Variants in AGO4 observed in about 807,000 individuals in gnomAD.
AGO4 encodes argonaute RISC component 4.
Under a neutral mutation model 104.7 loss-of-function variants are expected in AGO4, and 33 were observed. That is an observed-to-expected ratio of 0.32 (90% CI 0.24 to 0.42). The LOEUF (loss-of-function observed/expected upper bound fraction) is 0.42. Ranked by LOEUF, AGO4 falls within the 10% of genes least tolerant of loss-of-function variation. The probability of loss-of-function intolerance (pLI) is 1.00; values close to 1 mark genes in which losing one functional copy is unlikely to be tolerated. For synonymous variants in AGO4, 331 were observed against 364.7 expected (o/e 0.91, Z 1.05); for missense variants, 711 against 1,083.4 (o/e 0.66, Z 4.83).
At position 35,843,353 on chromosome 1, in the gene AGO4, G is replaced by A. The variant is rs980393463; in HGVS notation, c.2175+1603G>A. ...AGTGCTGGGATTACAGGTGTGAGCC[G>A]CCGTGCTTGGCCTGAACTGTTTCTT... is the stretch of plus-strand genomic sequence containing the variant. On this transcript the variant is annotated intron_variant, in intron 15 of 17. Transcript: ENST00000373210. Among the ~76,000 whole-genome samples the A allele has an allele frequency of 2.6e-5, 4 of 152,020 alleles. No individual in the cohort carries two copies. The East Asian group carries it at 5.8e-4, about 22-fold the overall frequency.
Position 35,850,900 on chromosome 1 carries a change from G to C in AGO4, c.2324G>C (p.Cys775Ser), listed in dbSNP as rs1221978397. The C allele has an allele frequency of 1.2e-6, 2 of 1,612,724 alleles. No homozygotes were observed. Among genetic ancestry groups the C allele is most frequent in the Non-Finnish European group, 1.7e-6 (2 of 1,179,944 alleles). Residue 775 changes from cysteine to serine, a missense_variant, in exon 17 of 18, where the codon TGC becomes TCC. By Grantham distance (112) the Cys-to-Ser change is moderately radical (BLOSUM62 -1). This residue lies in a region of AGO4 where 401 missense variants were observed against 665.5 expected (regional missense o/e 0.60). Coordinates refer to ENST00000373210, the MANE Select transcript of AGO4 (RefSeq NM_017629.4). ...SHYQVLWDDN[C>S]FTADELQLLT... ...TACCAGGTCTTGTGGGATGACAACT[G>C]CTTCACTGCAGATGAACTCCAGCTA...
At chr1:35,811,084 C>T (rs1052333908) in intron 1 of AGO4, among the ~76,000 whole-genome samples, 2 of 151,940 alleles carry the variant, frequency 1.3e-5, no homozygotes, top group African/African-American at 2.4e-5. Context: ...GCCTGCGAGG[C>T]AGAGGATGCT....
chr1:35,839,968 A>G (rs952084439), intron 13 of AGO4, among the ~76,000 whole-genome samples: 15 of 145,344 alleles, frequency 1.0e-4, no homozygotes, highest in South Asian at 2.2e-4. Flanking sequence ...CCCTGTCTCA[A>G]AAAAAAAAAA....
At chr1:35,829,565 G>A (rs1025023446) in intron 7 of AGO4, among the ~76,000 whole-genome samples, 13 of 152,160 alleles carry the variant, frequency 8.5e-5, no homozygotes, top group Admixed American at 7.2e-4. Context: ...GCTGGGCGTG[G>A]TGGCTCACGC....
In AGO4 at chr1:35,855,629, G is replaced by C. The variant is rs1451516597; in HGVS notation, c.*2024G>C. On this transcript the variant is annotated 3_prime_UTR_variant, in exon 18 of 18. Transcript: ENST00000373210. ...CATAGCCAGGAGTGAAGAGATGGCA[G>C]ATGTTAATTTCTTAAAATTTTCCTT... 1.3e-5 allele frequency: 2 copies of C among 150,060 alleles called. No homozygotes were observed. The highest frequency in any genetic ancestry group is 4.9e-5 in the African/African-American group (2 of 40,680). 9.3% of individuals were successfully genotyped at this position (150,060 alleles called of 1,614,324 possible). A position where few individuals can be genotyped will look rare whatever the true frequency, so the allele number is the denominator to read the frequency against.
chr1:35,832,238 A>G, intron 10 of AGO4, 53 bp downstream of exon 10: 2 of 1,595,268 alleles, frequency 1.3e-6, no homozygotes, highest in Non-Finnish European at 1.7e-6. Flanking sequence ...TCAAAAAGAG[A>G]ATAATCCAGG....
intron 12 of AGO4, among the ~76,000 whole-genome samples, chr1:35,834,750 C>T (rs187371860): frequency 3.9e-4 from 60 of 152,254 alleles, no homozygotes; most frequent in Admixed American, 3.3e-4. Flanking sequence ...GGCTGGAGTG[C>T]GGTGTCATGA....
chr1:35,843,224 C>A (rs1337151102), intron 15 of AGO4, among the ~76,000 whole-genome samples: 2 of 152,204 alleles, frequency 1.3e-5, no homozygotes, highest in East Asian at 3.9e-4. Flanking sequence ...CACCACCATG[C>A]CCAGCTAATT....
intron 13 of AGO4, among the ~76,000 whole-genome samples, chr1:35,837,967 C>T (rs1275779341): frequency 6.6e-6 from 1 of 151,850 alleles, no homozygotes; most frequent in Non-Finnish European, 1.5e-5. Flanking sequence ...ACTGCAGCCT[C>T]AATCTCCCCA....
In AGO4 at chr1:35,856,405, C is replaced by T. The variant is rs550742924; in HGVS notation, c.*2800C>T. The stretch of plus-strand genomic sequence containing the variant: ...TGTCAATCAATGGGAGGTGTGCATT[C>T]TCTAGAAGTAGTTTTAGGCTGTTTG... On this transcript the variant is annotated 3_prime_UTR_variant, in exon 18 of 18. Coordinates refer to ENST00000373210, the MANE Select transcript of AGO4 (RefSeq NM_017629.4). 2.6e-5 allele frequency: 4 copies of T among 152,344 alleles called. No individual in the cohort carries two copies. The highest frequency in any genetic ancestry group is 9.6e-5 in the African/African-American group (4 of 41,574). The allele number at this position is 152,344 out of a possible 1,614,324, so 9.4% of individuals were successfully genotyped here. A position where few individuals can be genotyped will look rare whatever the true frequency, so the allele number is the denominator to read the frequency against.
intron 17 of AGO4, 164 bp downstream of exon 17, chr1:35,851,217 G>C: frequency 2.9e-6 from 2 of 689,282 alleles, no homozygotes; most frequent in Non-Finnish European, 4.8e-6. Context: ...GTGACTTTTG[G>C]TCCAAGAAGT....
rs1644828905 is a variant in AGO4 at position 35,856,852 on chromosome 1, G to A, written c.*3247G>A. On this transcript the variant is annotated 3_prime_UTR_variant, in exon 18 of 18. Transcript: ENST00000373210. Reference sequence around the variant, plus strand: ...AAAAGGGGGGGGGGGGACATTAAGAGAGTGGTGATGACCCAAATGTTGAAC... The same window carrying A: ...AAAAGGGGGGGGGGGGACATTAAGAAAGTGGTGATGACCCAAATGTTGAAC... 6.6e-6 allele frequency: 1 copy of A among 151,832 alleles called. No homozygotes were observed. Among genetic ancestry groups the A allele is most frequent in the African/African-American group, 2.4e-5 (1 of 41,244 alleles). The allele number at this position is 151,832 out of a possible 1,614,324, so 9.4% of individuals were successfully genotyped here. A position where few individuals can be genotyped will look rare whatever the true frequency, so the allele number is the denominator to read the frequency against.
chr1:35,847,106 T>G (rs999939912), intron 15 of AGO4, among the ~76,000 whole-genome samples: 1 of 151,822 alleles, frequency 6.6e-6, no homozygotes, highest in African/African-American at 2.4e-5. Context: ...TTTGGCTTCC[T>G]TGGACCACAT....
chr1:35,839,170 C>T (rs1334247682), intron 13 of AGO4, among the ~76,000 whole-genome samples: 1 of 151,940 alleles, frequency 6.6e-6, no homozygotes, highest in Non-Finnish European at 1.5e-5. Context: ...TTCATACAGA[C>T]GAGGTTTCTC....
At position 35,816,944 on chromosome 1, in the gene AGO4, A is replaced by G. The variant is rs1024294501; in HGVS notation, c.82A>G (p.Ile28Val). 5 of 1,614,072 alleles carry G rather than the reference A, an allele frequency of 3.1e-6. No homozygotes were observed. The Admixed American group carries it at 5.0e-5, about 16-fold the overall frequency. The stretch of plus-strand genomic sequence containing the variant: ...TGGCCTTGGAACTGTTGGAAAACCA[A>G]TTCGACTGTTAGCCAATCATTTTCA... ...RPGLGTVGKP[I>V]RLLANHFQVQ... is the part of the protein sequence containing the mutation. Residue 28 changes from isoleucine (I) to valine (V), a missense_variant, in exon 2 of 18, where the codon ATT becomes GTT. Ile to Val is a conservative substitution (Grantham distance 29). Coordinates refer to ENST00000373210, the MANE Select transcript of AGO4 (RefSeq NM_017629.4).
chr1:35,831,907 C>T lies in AGO4; in HGVS notation c.1092C>T (p.Asp364=), dbSNP rs1644194289. 1.2e-6 allele frequency: 2 copies of T among 1,614,074 alleles called. No homozygotes were observed. Among genetic ancestry groups the T allele is most frequent in the Non-Finnish European group, 1.7e-6 (2 of 1,179,990 alleles). The part of the protein sequence containing the change: ...MIKATARSAP[D]RQEEISRLVK... ...AAGCTACAGCAAGATCTGCTCCTGA[C>T]AGACAGGAAGAGATCAGTAGACTGG... The change falls in exon 9 of 18, where the codon GAC becomes GAT. Residue 364 remains aspartate (D), a synonymous_variant. Coordinates refer to ENST00000373210, the MANE Select transcript of AGO4 (RefSeq NM_017629.4).
chr1:35,811,616 T>G (rs889017287), intron 1 of AGO4, among the ~76,000 whole-genome samples: 1 of 151,916 alleles, frequency 6.6e-6, no homozygotes, highest in African/African-American at 2.4e-5. Flanking sequence ...GTTGTTGTTG[T>G]TTTTTGAGAC....
chr1:35,841,433 C>A lies in AGO4; in HGVS notation c.1993C>A (p.Arg665=), dbSNP rs765443878. 1.2e-6 allele frequency: 2 copies of A among 1,614,040 alleles called. No homozygotes were observed. Among genetic ancestry groups the A allele is most frequent in the Non-Finnish European group, 1.7e-6 (2 of 1,180,020 alleles). ...FYKSTRFKPT[R]IIYYRGGVSE... The stretch of plus-strand genomic sequence containing the variant: ...CAAATCCACACGCTTCAAACCCACT[C>A]GGATCATCTATTACCGTGGAGGGGT... The change falls in exon 14 of 18, where the codon CGG becomes AGG. Residue 665 remains arginine (R), a synonymous_variant. Coordinates refer to ENST00000373210, the MANE Select transcript of AGO4 (RefSeq NM_017629.4). This position sits in a 1 kb window ranked among gnomAD's most constrained non-coding sequence, Gnocchi z 4.7.
chr1:35,846,612 T>G (rs1412740166), intron 15 of AGO4, among the ~76,000 whole-genome samples: 2 of 149,332 alleles, frequency 1.3e-5, no homozygotes, highest in African/African-American at 2.5e-5. Flanking sequence ...AAGATATATA[T>G]ATATATATAT....
Sources: allele counts gnomAD v4.1 joint callset (sites outside exome capture counted in the v4.1 genomes callset), GRCh38; gene constraint gnomAD v4.1.1; regional missense constraint gnomAD v4.1.1; non-coding constraint Gnocchi (gnomAD v3.1); transcripts MANE v1.5; gene names NCBI Gene and HGNC (gene_info 2026-07-23, HGNC 2026-07-21).